Variants in TESC observed in about 807,000 individuals in gnomAD.
TESC encodes the protein calcineurin B homologous protein 3.
Under a neutral mutation model 31.0 loss-of-function variants are expected in TESC, and 19 were observed. The ratio of observed to expected loss-of-function variants is 0.61; its 90% CI spans 0.43 to 0.90. TESC has a LOEUF of 0.90. Ranked by LOEUF, TESC falls within the 40% of genes least tolerant of loss-of-function variation. TESC has a pLI of 0.00. For synonymous variants in TESC, 109 were observed against 114.8 expected, an observed-to-expected ratio of 0.95 and a Z score of 0.32; for missense variants, 248 against 303.8, an observed-to-expected ratio of 0.82 and a Z score of 1.36.
chr12:117,065,950 G>A (rs1565966919), intron 2 of TESC, among the ~76,000 whole-genome samples: 1 of 152,048 alleles, frequency 6.6e-6, no homozygotes, highest in Non-Finnish European at 1.5e-5. Context: ...AGGACAAAAG[G>A]AAACCCAAGT....
intron 1 of TESC, among the ~76,000 whole-genome samples, chr12:117,085,984 A>G (rs1955214580): frequency 6.6e-6 from 1 of 152,212 alleles, no homozygotes; most frequent in African/African-American, 2.4e-5. Context: ...TTATAAAGCA[A>G]TACAAAAGGA....
At chr12:117,092,457 G>C (rs1040429703) in intron 1 of TESC, among the ~76,000 whole-genome samples, 1 of 152,242 alleles carries the variant, frequency 6.6e-6, no homozygotes, top group African/African-American at 2.4e-5. Context: ...TCTCCTGCAA[G>C]TTTCCCCTGT....
intron 3 of TESC, among the ~76,000 whole-genome samples, chr12:117,055,592 G>T (rs1565962693): frequency 6.6e-6 from 1 of 152,230 alleles, no homozygotes. Flanking sequence ...ACAGCAGGAG[G>T]AATAGGGTGT....
chr12:117,068,066 A>T (rs568010782), intron 2 of TESC, among the ~76,000 whole-genome samples: 2 of 152,052 alleles, frequency 1.3e-5, no homozygotes, highest in South Asian at 2.1e-4. Flanking sequence ...TCATTTTTAA[A>T]TTTTTTTTGT....
intron 1 of TESC, among the ~76,000 whole-genome samples, chr12:117,085,554 T>G (rs1955209741): frequency 6.6e-6 from 1 of 152,150 alleles, no homozygotes; most frequent in African/African-American, 2.4e-5. Flanking sequence ...CCAGCCTGGA[T>G]GCCAGCCCCA....
At chr12:117,071,085 A>G (rs568788513) in intron 2 of TESC, among the ~76,000 whole-genome samples, 1 of 152,374 alleles carries the variant, frequency 6.6e-6, no homozygotes, top group South Asian at 2.1e-4. Context: ...CCCCTGCTGA[A>G]TTCTTTCACC....
intron 1 of TESC, among the ~76,000 whole-genome samples, chr12:117,093,854 T>C (rs1281509675): frequency 6.6e-6 from 1 of 152,016 alleles, no homozygotes; most frequent in Non-Finnish European, 1.5e-5. Flanking sequence ...AGAGCTGTTT[T>C]GGAGCCTGAA....
intron 1 of TESC, 92 bp from the exon 2 acceptor site, chr12:117,075,432 C>T (rs781273618): frequency 9.9e-6 from 13 of 1,307,018 alleles, no homozygotes; most frequent in Non-Finnish European, 1.2e-5. Context: ...GCCCCATCCC[C>T]ACTGGCTGCC....
At chr12:117,042,076 C>T in intron 6 of TESC, 82 bp from the exon 7 acceptor site, 1 of 1,393,338 alleles carries the variant, frequency 7.2e-7, no homozygotes, top group African/African-American at 1.4e-5. Context: ...ACTGGCCTCC[C>T]CTCCCCACCA....
chr12:117,068,375 C>T (rs1348812506), intron 2 of TESC, among the ~76,000 whole-genome samples: 2 of 152,088 alleles, frequency 1.3e-5, no homozygotes, highest in Non-Finnish European at 2.9e-5. Flanking sequence ...ACTAAAAATA[C>T]AAAAATTAGC....
chr12:117,083,435 T>C (rs150251162), intron 1 of TESC, among the ~76,000 whole-genome samples: 84 of 151,872 alleles, frequency 5.5e-4, no homozygotes, highest in African/African-American at 2.0e-3. Context: ...CAGAAACCTG[T>C]AACCAATGTT....
At chr12:117,063,933 C>G (rs950338894) in intron 2 of TESC, among the ~76,000 whole-genome samples, 5 of 152,136 alleles carry the variant, frequency 3.3e-5, no homozygotes, top group African/African-American at 1.2e-4. Flanking sequence ...AGAGATGCAC[C>G]ATCTCTCCCT....
At chr12:117,092,174 T>A (rs1955320361) in intron 1 of TESC, among the ~76,000 whole-genome samples, 2 of 152,156 alleles carry the variant, frequency 1.3e-5, no homozygotes, top group African/African-American at 4.8e-5. Context: ...TGTCACCTCA[T>A]TCACAGCTGG....
At chr12:117,087,677 A>G (rs1955235961) in intron 1 of TESC, among the ~76,000 whole-genome samples, 1 of 152,198 alleles carries the variant, frequency 6.6e-6, no homozygotes, top group African/African-American at 2.4e-5. Context: ...TAGCAGTAAT[A>G]ATAACCACCA....
Position 117,096,746 on chromosome 12 carries a change from C to G in TESC, c.58+2479G>C, listed in dbSNP as rs765911322. On this transcript the variant is annotated intron_variant, in intron 1 of 7. Coordinates refer to ENST00000335209, the MANE Select transcript of TESC (RefSeq NM_017899.4). ...GACTTGCCCAAGGTACCTGGCAAGG[C>G]CCCTGAAGCCAGGCTCCTGCCACAG... Among the ~76,000 whole-genome samples, 7 of 152,308 alleles carry G rather than the reference C, an allele frequency of 4.6e-5. 1 individual carries two copies. The South Asian group carries it at 1.2e-3, about 27-fold the overall frequency.
intron 3 of TESC, among the ~76,000 whole-genome samples, chr12:117,055,817 A>C (rs1186333137): frequency 6.6e-6 from 1 of 152,118 alleles, no homozygotes; most frequent in Non-Finnish European, 1.5e-5. Flanking sequence ...GCTGAAGCTC[A>C]TGAGGCTTTG....
intron 7 of TESC, among the ~76,000 whole-genome samples, chr12:117,041,021 G>A (rs1039238460): frequency 3.5e-4 from 52 of 148,712 alleles, no homozygotes; most frequent in African/African-American, 1.3e-3. Context: ...GCCGAACTGC[G>A]GGGAGGGGGA....
At chr12:117,039,358 A>G in intron 7 of TESC, 148 bp from the exon 8 acceptor site, 2 of 743,340 alleles carry the variant, frequency 2.7e-6, no homozygotes, top group Non-Finnish European at 4.5e-6. Context: ...GCTGTGTTTC[A>G]AGACTATGAG....
intron 3 of TESC, among the ~76,000 whole-genome samples, chr12:117,055,479 T>C (rs765404988): frequency 6.6e-6 from 1 of 152,112 alleles, no homozygotes; most frequent in Non-Finnish European, 1.5e-5. Flanking sequence ...AACTGAGGCA[T>C]CCTCCCAGAT....
Sources: allele counts gnomAD v4.1 joint callset (sites outside exome capture counted in the v4.1 genomes callset), GRCh38; gene constraint gnomAD v4.1.1; transcripts MANE v1.5; gene names NCBI Gene and HGNC (gene_info 2026-07-23, HGNC 2026-07-21).